Variants in RAPGEF5 observed in about 807,000 individuals in gnomAD.
The protein encoded by RAPGEF5 is M-Ras-regulated GEF.
A neutral mutation model predicts 125.2 loss-of-function variants in RAPGEF5; 65 were observed. The ratio of observed to expected loss-of-function variants is 0.52; its 90% CI spans 0.43 to 0.64. The LOEUF (loss-of-function observed/expected upper bound fraction) is 0.64. Among genes scored for constraint, RAPGEF5 ranks in the 30% least tolerant of loss-of-function variants. The pLI, the probability that RAPGEF5 is intolerant of heterozygous loss-of-function variation, is 0.00. For missense variants in RAPGEF5, 958 were observed against 1,048.1 expected (o/e 0.91, Z 1.19); for synonymous variants, 391 against 385.9 (o/e 1.01, Z -0.16).
chr7:22,279,794 G>A (rs1814275298), intron 6 of RAPGEF5, among the ~76,000 whole-genome samples: 1 of 152,170 alleles, frequency 6.6e-6, no homozygotes, highest in Non-Finnish European at 1.5e-5. Flanking sequence ...AAATGACAGG[G>A]GTCTTAATCA....
In RAPGEF5 at chr7:22,195,532, G is replaced by A. The variant is rs150651007; in HGVS notation, c.997-1499C>T. Reference sequence around the variant, plus strand: ...GTATTACATTTCAGCAAGGTCAGACGCGTGCAGTTACTGTGGCAATTAATG... The same window carrying A: ...GTATTACATTTCAGCAAGGTCAGACACGTGCAGTTACTGTGGCAATTAATG... On this transcript the variant is annotated intron_variant, in intron 9 of 25. Transcript: ENST00000665637. Among the ~76,000 whole-genome samples the A allele has an allele frequency of 3.3e-4, 50 of 152,216 alleles. No individual in the cohort carries two copies. In the East Asian group the frequency reaches 4.4e-3, roughly 14 times the overall value.
At chr7:22,178,397 G>T (rs1002265880) in intron 11 of RAPGEF5, among the ~76,000 whole-genome samples, 1 of 152,050 alleles carries the variant, frequency 6.6e-6, no homozygotes, top group Non-Finnish European at 1.5e-5. Flanking sequence ...ACAGACCAGG[G>T]GCTCAATCCC....
chr7:22,266,398 C>A (rs1473969008), intron 7 of RAPGEF5, among the ~76,000 whole-genome samples: 1 of 152,078 alleles, frequency 6.6e-6, no homozygotes, highest in Non-Finnish European at 1.5e-5. Context: ...ATGCTTTTTT[C>A]TCCTTTAAAA....
chr7:22,273,384 A>G (rs890865505), intron 6 of RAPGEF5, among the ~76,000 whole-genome samples: 4 of 151,422 alleles, frequency 2.6e-5, no homozygotes, highest in Admixed American at 6.6e-5. Context: ...GCGCCCGGCT[A>G]ATTTTTTGTA....
chr7:22,224,598 CT>C (rs1269568271), intron 8 of RAPGEF5, among the ~76,000 whole-genome samples: 1 of 152,132 alleles, frequency 6.6e-6, no homozygotes, highest in African/African-American at 2.4e-5. Context: ...CCATCTTGCT[CT>C]GCTCCCCAGT....
At chr7:22,223,853 C>T (rs754846760) in intron 8 of RAPGEF5, among the ~76,000 whole-genome samples, 20 of 152,108 alleles carry the variant, frequency 1.3e-4, no homozygotes, top group Non-Finnish European at 2.5e-4. Flanking sequence ...GGAGATGCTG[C>T]TGCATAAGAA....
At chr7:22,303,534 G>A (rs1224645797) in intron 5 of RAPGEF5, among the ~76,000 whole-genome samples, 1 of 152,116 alleles carries the variant, frequency 6.6e-6, no homozygotes, top group East Asian at 1.9e-4. Flanking sequence ...CCATTAAATG[G>A]TTTCCTTGCA....
intron 1 of RAPGEF5, among the ~76,000 whole-genome samples, chr7:22,327,563 C>T (rs574909970): frequency 6.6e-6 from 1 of 152,168 alleles, no homozygotes; most frequent in African/African-American, 2.4e-5. Flanking sequence ...CCTCTCCTCC[C>T]GGGAGGCAGC....
intron 1 of RAPGEF5, among the ~76,000 whole-genome samples, chr7:22,340,625 C>T (rs1267404928): frequency 6.6e-6 from 1 of 152,228 alleles, no homozygotes; most frequent in Non-Finnish European, 1.5e-5. Context: ...CTGGGTCCCC[C>T]AGCCCCCACA....
In RAPGEF5 at chr7:22,311,043, T is replaced by G. The variant is rs562768775; in HGVS notation, c.390-953A>C. 2.6e-5 allele frequency among the ~76,000 whole-genome samples: 4 copies of G among 152,284 alleles called. No homozygotes were observed. The East Asian group carries it at 7.7e-4, about 29-fold the overall frequency. On this transcript the variant is annotated intron_variant, in intron 3 of 25. Coordinates refer to ENST00000665637, the MANE Select transcript of RAPGEF5 (RefSeq NM_012294.5). ...AAAGATCATGAAAAAAAATTTTTTT[T>G]GAGACAGGGTCATACTCTATCACCC...
intron 1 of RAPGEF5, among the ~76,000 whole-genome samples, chr7:22,352,471 G>A (rs189816011): frequency 3.3e-5 from 5 of 152,176 alleles, no homozygotes; most frequent in East Asian, 1.9e-4. Flanking sequence ...GTTTCAGGTC[G>A]GGAGCAGCAG....
intron 3 of RAPGEF5, among the ~76,000 whole-genome samples, chr7:22,310,858 A>G (rs1783452885): frequency 1.3e-5 from 2 of 152,184 alleles, no homozygotes; most frequent in African/African-American, 4.8e-5. Flanking sequence ...AAAACACACA[A>G]CTATATTCAA....
intron 7 of RAPGEF5, among the ~76,000 whole-genome samples, chr7:22,256,496 G>A (rs772700284): frequency 2.0e-5 from 3 of 152,132 alleles, no homozygotes; most frequent in East Asian, 1.9e-4. Context: ...AGCCGAGGTC[G>A]CAAAGACACG....
At chr7:22,307,331 T>A (rs1453593914) in intron 5 of RAPGEF5, among the ~76,000 whole-genome samples, 1 of 152,128 alleles carries the variant, frequency 6.6e-6, no homozygotes, top group Non-Finnish European at 1.5e-5. Context: ...GTGTAAATGG[T>A]GGAGGTGAGG....
At chr7:22,140,513 A>C (rs1783223222) in intron 20 of RAPGEF5, among the ~76,000 whole-genome samples, 1 of 152,158 alleles carries the variant, frequency 6.6e-6, no homozygotes, top group Non-Finnish European at 1.5e-5. Flanking sequence ...TTGACAGACA[A>C]GCCCTTCTCA....
intron 9 of RAPGEF5, among the ~76,000 whole-genome samples, chr7:22,215,111 A>T (rs911591628): frequency 1.3e-5 from 2 of 152,136 alleles, no homozygotes; most frequent in African/African-American, 2.4e-5. Flanking sequence ...TTCTAGAATG[A>T]AGTAAAACTT....
Position 22,162,397 on chromosome 7 carries a change from C to T in RAPGEF5, c.1428G>A (p.Lys476=). 6.3e-7 allele frequency: 1 copy of T among 1,576,516 alleles called. No homozygotes were observed. The highest frequency in any genetic ancestry group is 8.7e-7 in the Non-Finnish European group (1 of 1,148,446). The part of the protein sequence containing the change: ...PEDEHSKMFL[K]TIYRNVLDDV... The stretch of plus-strand genomic sequence containing the variant: ...AGAATATCTGGAAATGTTTGATTAC[C>T]TTTAAAAACATTTTTGAATGTTCAT... Residue 476 remains lysine, a splice_region_variant and synonymous_variant, in exon 13 of 26, where the codon AAG becomes AAA. Transcript: ENST00000665637.
In RAPGEF5 at chr7:22,160,521, C is replaced by T. The variant is rs970302956; in HGVS notation, c.1523G>A (p.Arg508His). 20 of 1,540,802 alleles carry T rather than the reference C, an allele frequency of 1.3e-5. No individual in the cohort carries two copies. In the Admixed American group the frequency reaches 1.8e-4, roughly 14 times the overall value. ...EFQKILGMHR[R>H]HTVDEYSPQK... is the part of the protein sequence containing the mutation. Reference sequence around the variant, plus strand: ...ATTAGGAAAATGAAATACTTACTGACGACGGTGCATTCCAAGTATCTTTTG... The same window carrying T: ...ATTAGGAAAATGAAATACTTACTGATGACGGTGCATTCCAAGTATCTTTTG... The change falls in exon 14 of 26, where the codon CGT (arginine) becomes CAT (histidine). Residue 508 changes from arginine to histidine, a missense_variant. Arg to His is a conservative substitution (Grantham distance 29). Transcript: ENST00000665637.
chr7:22,230,793 C>A (rs1208804658), intron 8 of RAPGEF5, 53 bp downstream of exon 8: 1 of 1,470,622 alleles, frequency 6.8e-7, no homozygotes, highest in African/African-American at 1.4e-5. Context: ...CACTGTCTCA[C>A]CACCCTCAAC....
Sources: gnomAD v4.1 joint callset for allele counts (sites outside exome capture counted in the v4.1 genomes callset) on GRCh38, gnomAD v4.1.1 for gene constraint, MANE v1.5 for transcripts, NCBI Gene and HGNC (gene_info 2026-07-23, HGNC 2026-07-21) for gene names.